Variants in LARGE1 observed in about 807,000 individuals in gnomAD.
LARGE1 encodes xylosyl- and glucuronyltransferase LARGE1.
LARGE1 carries 43 observed loss-of-function variants against 87.6 expected under a neutral mutation model. That is an observed-to-expected ratio of 0.49 (90% CI 0.38 to 0.63). LARGE1 has a LOEUF of 0.63. Ranked by LOEUF, LARGE1 falls within the 30% of genes least tolerant of loss-of-function variation. The pLI, the probability that LARGE1 is intolerant of heterozygous loss-of-function variation, is 0.00. For missense variants in LARGE1, 802 were observed against 1,000.2 expected, an observed-to-expected ratio of 0.80 and a Z score of 2.67; for synonymous variants, 434 against 394.6, an observed-to-expected ratio of 1.10 and a Z score of -1.18.
chr22:33,409,733 C>T (rs531850292), intron 7 of LARGE1, among the ~76,000 whole-genome samples: 323 of 151,986 alleles, frequency 2.1e-3, no homozygotes, highest in African/African-American at 4.5e-3. Context: ...TGGTGGCACA[C>T]GCCTTTAGTC....
At chr22:33,666,242 C>T (rs1285247245) in intron 2 of LARGE1, among the ~76,000 whole-genome samples, 2 of 152,172 alleles carry the variant, frequency 1.3e-5, no homozygotes, top group African/African-American at 2.4e-5. Flanking sequence ...CTGAACTCTA[C>T]CAAGGCACAG....
At chr22:33,571,655 G>A (rs187289841) in intron 5 of LARGE1, among the ~76,000 whole-genome samples, 71 of 152,286 alleles carry the variant, frequency 4.7e-4, no homozygotes, top group African/African-American at 1.4e-3. Context: ...AGCACGTGCT[G>A]GGTGTCAGGC....
intron 1 of LARGE1, among the ~76,000 whole-genome samples, chr22:33,908,548 G>A (rs1438867258): frequency 6.8e-6 from 1 of 146,148 alleles, no homozygotes; most frequent in African/African-American, 2.5e-5. Context: ...AATGGGGGGT[G>A]GCCAGGGGTG....
the LARGE1 span, among the ~76,000 whole-genome samples, chr22:33,127,621 C>A: frequency 6.6e-6 from 1 of 152,162 alleles, no homozygotes; most frequent in South Asian, 2.1e-4. Context: ...TGTCCCTAAA[C>A]AAACTTAAAG....
intron 6 of LARGE1, among the ~76,000 whole-genome samples, chr22:33,536,833 CAG>C (rs1050520957): frequency 4.6e-5 from 7 of 152,148 alleles, no homozygotes; most frequent in Admixed American, 3.3e-4. Flanking sequence ...TTTTTTGAGA[CAG>C]AGTTTCACTC....
chr22:33,687,683 T>C (rs1214174967), intron 2 of LARGE1, among the ~76,000 whole-genome samples: 2 of 151,726 alleles, frequency 1.3e-5, no homozygotes, highest in Non-Finnish European at 2.9e-5. Context: ...CTAGGGAAAG[T>C]GTGGAGAGAT....
the LARGE1 span, among the ~76,000 whole-genome samples, chr22:33,070,454 G>A: frequency 2.0e-5 from 3 of 152,120 alleles, no homozygotes; most frequent in Admixed American, 2.0e-4. Context: ...TGGTGCTACT[G>A]GCGTCTAGTG....
chr22:33,092,783 TC>T, the LARGE1 span, among the ~76,000 whole-genome samples: 1 of 152,140 alleles, frequency 6.6e-6, no homozygotes, highest in Admixed American at 6.6e-5. Context: ...TCCATCCATG[TC>T]CCTGCAAAGG....
At chr22:33,371,638 C>T (rs1368202655) in intron 9 of LARGE1, among the ~76,000 whole-genome samples, 1 of 152,114 alleles carries the variant, frequency 6.6e-6, no homozygotes, top group African/African-American at 2.4e-5. Flanking sequence ...TTTCAGTTTT[C>T]ATAAGTAATC....
intron 6 of LARGE1, among the ~76,000 whole-genome samples, chr22:33,435,070 C>T (rs1398736998): frequency 2.0e-5 from 3 of 152,264 alleles, no homozygotes; most frequent in South Asian, 2.1e-4. Context: ...GGCGCCATCT[C>T]GGCTCACTGC....
chr22:33,592,597 T>C (rs938112507), intron 5 of LARGE1, among the ~76,000 whole-genome samples: 2 of 152,242 alleles, frequency 1.3e-5, no homozygotes, highest in Non-Finnish European at 1.5e-5. Flanking sequence ...TATTTGCGTA[T>C]GTTCTGAAGA....
chr22:33,083,359 C>T, the LARGE1 span, among the ~76,000 whole-genome samples: 1 of 152,180 alleles, frequency 6.6e-6, no homozygotes, highest in Non-Finnish European at 1.5e-5. Flanking sequence ...TAGGGACTCC[C>T]TGCTGATGGA....
chr22:33,468,091 T>C (rs2068689204), intron 6 of LARGE1, among the ~76,000 whole-genome samples: 1 of 152,222 alleles, frequency 6.6e-6, no homozygotes, highest in African/African-American at 2.4e-5. Context: ...GATGGGGTAA[T>C]GCTAATCAAC....
rs186336910 is a variant in LARGE1, at chr22:33,644,994, A to G, written c.408+5373T>C. Among the ~76,000 whole-genome samples, 454 of 152,364 alleles carry G rather than the reference A, an allele frequency of 3.0e-3. 2 individuals are homozygous for G. Among genetic ancestry groups the G allele is most frequent in the African/African-American group, 0.01 (435 of 41,582 alleles). On this transcript the variant is annotated intron_variant, in intron 3 of 14. Transcript: ENST00000397394. ...GTGGCCATACTGCCCGAAGTAATTT[A>G]TATATTCAATGCTATTCCCATCAAG...
At chr22:33,694,865 G>A (rs974375742) in intron 2 of LARGE1, among the ~76,000 whole-genome samples, 7 of 152,168 alleles carry the variant, frequency 4.6e-5, no homozygotes, top group Non-Finnish European at 8.8e-5. Context: ...TTGGGGGCAT[G>A]AGCAAGGATG....
At chr22:33,564,745 C>T (rs2077971667) in intron 6 of LARGE1, 103 bp downstream of exon 6, 2 of 1,169,134 alleles carry the variant, frequency 1.7e-6, no homozygotes, top group Admixed American at 1.7e-5. Flanking sequence ...ATTAGCACGA[C>T]CTCATTCGAG....
chr22:33,195,756 C>CTTTTT (rs71187249), intron 11 of LARGE1, among the ~76,000 whole-genome samples: 1 of 130,732 alleles, frequency 7.6e-6, no homozygotes, highest in Non-Finnish European at 1.6e-5. Context: ...TTTCTTTTTT[C>CTTTTT]TTTTTTTTTT....
intron 12 of LARGE1, among the ~76,000 whole-genome samples, chr22:33,301,333 C>A (rs1934113500): frequency 6.6e-6 from 1 of 152,086 alleles, no homozygotes; most frequent in Non-Finnish European, 1.5e-5. Flanking sequence ...TTGTCTAGGT[C>A]AGAGGTTACA....
intron 13 of LARGE1, among the ~76,000 whole-genome samples, chr22:33,282,126 C>T (rs140964403): frequency 0.046 from 6,971 of 152,236 alleles, 217 homozygotes; most frequent in Middle Eastern, 0.088. Flanking sequence ...AGGTGGATCA[C>T]CTGAGGTCAG....
Sources: gnomAD v4.1 joint callset for allele counts (sites outside exome capture counted in the v4.1 genomes callset) on GRCh38, gnomAD v4.1.1 for gene constraint, MANE v1.5 for transcripts, NCBI Gene and HGNC (gene_info 2026-07-23, HGNC 2026-07-21) for gene names.